Variants in STX8 observed in about 807,000 individuals in gnomAD.
The protein encoded by STX8 is syntaxin 8.
Under a neutral mutation model 37.5 loss-of-function variants are expected in STX8, and 23 were observed. The observed-to-expected ratio is 0.61, with a 90% CI of 0.44 to 0.87. STX8 has a LOEUF of 0.87. Ranked by LOEUF, STX8 falls within the 40% of genes least tolerant of loss-of-function variation. The pLI is 0.00. For missense variants in STX8, 313 were observed against 284.7 expected (o/e 1.10, Z -0.71); for synonymous variants, 115 against 99.1 (o/e 1.16, Z -0.95).
Position 9,296,051 on chromosome 17 carries a change from G to A in STX8, c.644-45406C>T, listed in dbSNP as rs1415428697. Among the ~76,000 whole-genome samples the A allele has an allele frequency of 5.3e-5, 8 of 152,282 alleles. No homozygotes were observed. In the South Asian group the frequency reaches 1.2e-3, roughly 24 times the overall value. On this transcript the variant is annotated intron_variant, in intron 7 of 7. Coordinates refer to ENST00000306357, the MANE Select transcript of STX8 (RefSeq NM_004853.3). ...TAAAAATACAAAAAATTAGCCGGGG[G>A]CGGTGGCGGGTGCCTGTAGTCCCAG...
intron 6 of STX8, among the ~76,000 whole-genome samples, chr17:9,457,849 G>A (rs1905225115): frequency 6.6e-6 from 1 of 152,164 alleles, no homozygotes; most frequent in Admixed American, 6.5e-5. Flanking sequence ...ATGTTTAATT[G>A]GCTGAAACGG....
chr17:9,535,951 G>C (rs1343732880), intron 4 of STX8, among the ~76,000 whole-genome samples: 2 of 152,118 alleles, frequency 1.3e-5, no homozygotes, highest in African/African-American at 4.8e-5. Flanking sequence ...CAAGATATTC[G>C]ATCAGGTGAC....
rs188623064 is a variant in STX8, at chr17:9,385,666, T to C, written c.542-7013A>G. ...AACTAAAGACTTACAATACTAATTG[T>C]TGGGGGAAAATATGGCACAAAGGGC... On this transcript the variant is annotated intron_variant, in intron 6 of 7. Transcript: ENST00000306357. Among the ~76,000 whole-genome samples, 235 of 152,348 alleles carry C rather than the reference T, an allele frequency of 1.5e-3. 1 individual carries two copies. The highest frequency in any genetic ancestry group is 5.5e-3 in the African/African-American group (230 of 41,580).
chr17:9,320,145 C>T (rs1281283336), intron 7 of STX8, among the ~76,000 whole-genome samples: 1 of 151,648 alleles, frequency 6.6e-6, no homozygotes, highest in East Asian at 1.9e-4. Flanking sequence ...CCAGCCTGAC[C>T]AACATGGTGA....
intron 7 of STX8, among the ~76,000 whole-genome samples, chr17:9,322,052 C>T (rs1462701667): frequency 2.6e-5 from 4 of 152,160 alleles, no homozygotes; most frequent in African/African-American, 4.8e-5. Context: ...AAGAAATTAA[C>T]CTTTGACAAG....
rs977346728 is a variant in STX8 at position 9,323,060 on chromosome 17, T to C, written c.643+55492A>G. Among the ~76,000 whole-genome samples the C allele has an allele frequency of 2.6e-5, 4 of 151,900 alleles. No homozygotes were observed. In the South Asian group the frequency reaches 6.2e-4, roughly 24 times the overall value. On this transcript the variant is annotated intron_variant, in intron 7 of 7. Transcript: ENST00000306357. ...TGAGAAGATCTTAAAAAATAGGGGG[T>C]CTTTTCATCACTAGAGAGATGCTAA...
At chr17:9,442,220 C>T (rs910902412) in intron 6 of STX8, among the ~76,000 whole-genome samples, 15 of 152,158 alleles carry the variant, frequency 9.9e-5, no homozygotes, top group African/African-American at 3.6e-4. Context: ...ATCACTGGTC[C>T]TACTACTTTT....
chr17:9,321,883 CTGAT>C (rs1909590935), intron 7 of STX8, among the ~76,000 whole-genome samples: 3 of 152,166 alleles, frequency 2.0e-5, no homozygotes, highest in Non-Finnish European at 2.9e-5. Flanking sequence ...ATGGTTCAAA[CTGAT>C]TGACTCTGGA....
intron 7 of STX8, among the ~76,000 whole-genome samples, chr17:9,355,898 C>G (rs966731103): frequency 2.0e-5 from 3 of 152,118 alleles, no homozygotes; most frequent in African/African-American, 4.8e-5. Context: ...GCAATCCGCT[C>G]ACTTCAGCCC....
intron 7 of STX8, among the ~76,000 whole-genome samples, chr17:9,352,958 C>A (rs1446895656): frequency 2.0e-5 from 3 of 151,522 alleles, no homozygotes; most frequent in Non-Finnish European, 4.4e-5. Flanking sequence ...GTGGTGTGAT[C>A]AAAGCTCACT....
intron 7 of STX8, among the ~76,000 whole-genome samples, chr17:9,313,778 G>A (rs1361667842): frequency 1.3e-5 from 2 of 152,038 alleles, no homozygotes; most frequent in African/African-American, 2.4e-5. Flanking sequence ...CTACAGGCAC[G>A]TGCCACCACA....
At chr17:9,306,011 G>A (rs986157687) in intron 7 of STX8, among the ~76,000 whole-genome samples, 1 of 151,990 alleles carries the variant, frequency 6.6e-6, no homozygotes, top group African/African-American at 2.4e-5. Context: ...CCAAAGTGCT[G>A]GGATGACAGC....
chr17:9,288,906 T>C (rs143934954), intron 7 of STX8, among the ~76,000 whole-genome samples: 1,543 of 152,232 alleles, frequency 0.01, 18 homozygotes, highest in African/African-American at 0.035. Flanking sequence ...TTTTGAGAAC[T>C]GAAGGACATG....
intron 6 of STX8, chr17:9,452,421 C>T (rs987638207): frequency 2.0e-5 from 3 of 152,012 alleles, no homozygotes; most frequent in Non-Finnish European, 4.4e-5. Flanking sequence ...TTTCTATTTC[C>T]GAACACTAGT....
chr17:9,494,202 A>T (rs1906989991), intron 5 of STX8, among the ~76,000 whole-genome samples: 1 of 151,670 alleles, frequency 6.6e-6, no homozygotes, highest in Admixed American at 6.5e-5. Context: ...TTTTTAATAG[A>T]GACGGGGTTT....
At position 9,568,537 on chromosome 17, in the gene STX8, G is replaced by A; in HGVS notation, c.18-67C>T. 3.7e-6 allele frequency: 5 copies of A among 1,368,574 alleles called. No homozygotes were observed. The South Asian group carries it at 6.3e-5, about 17-fold the overall frequency. 84.8% of individuals were successfully genotyped at this position (1,368,574 alleles called of 1,614,324 possible). On this transcript the variant is annotated intron_variant, in intron 1 of 7. Transcript: ENST00000306357. ...TTTTTTTGAGACGGAGTCTCGCTCT[G>A]TCGCCCAGGCTGGAGTGCAGTGGCA... is the stretch of plus-strand genomic sequence containing the variant.
At chr17:9,514,285 A>G (rs1411684525) in intron 4 of STX8, among the ~76,000 whole-genome samples, 1 of 152,186 alleles carries the variant, frequency 6.6e-6, no homozygotes, top group Non-Finnish European at 1.5e-5. Flanking sequence ...CCCCATAAAT[A>G]TGTATAATTA....
In STX8 at chr17:9,558,892, G is replaced by A. The variant is rs141485362; in HGVS notation, c.118-1364C>T. On this transcript the variant is annotated intron_variant, in intron 2 of 7. Transcript: ENST00000306357. ...GCGCCACACACACCAGGCCTACGAA[G>A]AGGAGTCCACAAAATCAAAGACAAA... is the stretch of plus-strand genomic sequence containing the variant. Among the ~76,000 whole-genome samples the A allele has an allele frequency of 2.0e-3, 299 of 151,328 alleles. 1 individual carries two copies. The highest frequency in any genetic ancestry group is 6.9e-3 in the African/African-American group (285 of 41,244).
intron 1 of STX8, among the ~76,000 whole-genome samples, 180 bp downstream of exon 1, chr17:9,575,612 C>G (rs1446170206): frequency 6.6e-6 from 1 of 152,182 alleles, no homozygotes; most frequent in African/African-American, 2.4e-5. Context: ...CCCGGGCCAC[C>G]CTTGCAAGGA....
Sources: allele counts gnomAD v4.1 joint callset (sites outside exome capture counted in the v4.1 genomes callset), GRCh38; gene constraint gnomAD v4.1.1; transcripts MANE v1.5; gene names NCBI Gene and HGNC (gene_info 2026-07-23, HGNC 2026-07-21).